Variants in DAZAP1 observed in about 807,000 individuals in gnomAD.
DAZAP1 encodes the protein DAZ associated protein 1.
Under a neutral mutation model 60.1 loss-of-function variants are expected in DAZAP1, and 6 were observed. That is an observed-to-expected ratio of 0.10 (90% CI 0.05 to 0.20). The LOEUF (loss-of-function observed/expected upper bound fraction) is 0.20, where lower values mean the gene tolerates loss of function less well. Ranked by LOEUF, DAZAP1 falls within the 10% of genes least tolerant of loss-of-function variation. DAZAP1 has a pLI of 1.00. For synonymous variants in DAZAP1, 235 were observed against 215.9 expected (o/e 1.09, Z -0.78); for missense variants, 366 against 560.4 (o/e 0.65, Z 3.50).
At chr19:1,414,937 C>T (rs550597674) in intron 1 of DAZAP1, among the ~76,000 whole-genome samples, 159 of 152,050 alleles carry the variant, frequency 1.0e-3, no homozygotes, top group African/African-American at 3.3e-3. Context: ...CCTTCTGCCT[C>T]AGCCTCCCAA....
intron 7 of DAZAP1, chr19:1,427,200 G>A (rs572679489): frequency 8.5e-5 from 13 of 152,394 alleles, no homozygotes; most frequent in African/African-American, 3.1e-4. Context: ...CAAGGAGTCT[G>A]CGCCCAGTGT....
rs1186092337 is a variant in DAZAP1 at position 1,418,692 on chromosome 19, G to A, written c.264G>A (p.Arg88=). 2 of 1,613,944 alleles carry A rather than the reference G, an allele frequency of 1.2e-6. No homozygotes were observed. Among genetic ancestry groups the A allele is most frequent in the Admixed American group, 3.3e-5 (2 of 59,992 alleles). ...TCGACCCCAAGCCATGCACACCCCGGGGGATGCAGCCGGAGAGAACACGGC... is the reference window on the plus strand; with the variant it reads ...TCGACCCCAAGCCATGCACACCCCGAGGGATGCAGCCGGAGAGAACACGGC... ...RNIDPKPCTP[R]GMQPERTRPK... is the part of the protein sequence containing the mutation. The change falls in exon 4 of 12, where the codon CGG becomes CGA. Residue 88 remains arginine, a synonymous_variant. Transcript: ENST00000233078. The surrounding 1 kb of genome is among the most constrained non-coding windows in gnomAD (Gnocchi z 5.7).
chr19:1,410,986 C>G (rs1037720455), intron 1 of DAZAP1, among the ~76,000 whole-genome samples: 1 of 152,212 alleles, frequency 6.6e-6, no homozygotes, highest in South Asian at 2.1e-4. Flanking sequence ...TGGCAGGTCT[C>G]TGGGTTTATT....
At position 1,418,560 on chromosome 19, in the gene DAZAP1, G is replaced by A. The variant is rs1055556932; in HGVS notation, c.238-106G>A. On this transcript the variant is annotated intron_variant, in intron 3 of 11. Transcript: ENST00000233078. This position sits in a 1 kb window ranked among gnomAD's most constrained non-coding sequence, Gnocchi z 5.7. ...ATACAGGGTGAATGGAGCCGGCGGGGCGGGGCGGGCCGGGCTGCTGTGCCG... is the reference window on the plus strand; with the variant it reads ...ATACAGGGTGAATGGAGCCGGCGGGACGGGGCGGGCCGGGCTGCTGTGCCG... 7 of 1,488,448 alleles carry A rather than the reference G, an allele frequency of 4.7e-6. No homozygotes were observed. In the African/African-American group the frequency reaches 9.6e-5, roughly 20 times the overall value. 92.2% of individuals were successfully genotyped at this position (1,488,448 alleles called of 1,614,324 possible). A position where few individuals can be genotyped will look rare whatever the true frequency, so the allele number is the denominator to read the frequency against.
chr19:1,421,648 G>A (rs1006638657), intron 5 of DAZAP1, among the ~76,000 whole-genome samples: 2 of 152,248 alleles, frequency 1.3e-5, no homozygotes, highest in Non-Finnish European at 2.9e-5. Context: ...CCCGAGCTCC[G>A]TTGAGCCCAG....
At chr19:1,415,230 G>A (rs901914663) in intron 1 of DAZAP1, among the ~76,000 whole-genome samples, 4 of 151,994 alleles carry the variant, frequency 2.6e-5, no homozygotes, top group African/African-American at 4.8e-5. Flanking sequence ...AGGTGGGGGT[G>A]GAGGGGGTAC....
At position 1,434,837 on chromosome 19, in the gene DAZAP1, C is replaced by T. The variant is rs763705584; in HGVS notation, c.1149C>T (p.Gly383=). 1.0e-5 allele frequency: 16 copies of T among 1,594,678 alleles called. No homozygotes were observed. The highest frequency in any genetic ancestry group is 1.7e-4 in the Middle Eastern group (1 of 5,950). The part of the protein sequence containing the change: ...YGGPSVPGSG[G]PPAGGSGFGR... ...GTCCCTCCGTGCCAGGGTCGGGGGGCCCCCCCGCCGGCGGCAGCGGCTTTG... is the reference window on the plus strand; with the variant it reads ...GTCCCTCCGTGCCAGGGTCGGGGGGTCCCCCCGCCGGCGGCAGCGGCTTTG... Residue 383 remains glycine (G), a synonymous_variant, in exon 12 of 12, where the codon GGC becomes GGT. Coordinates refer to ENST00000233078, the MANE Select transcript of DAZAP1 (RefSeq NM_018959.4). The surrounding 1 kb of genome is among the most constrained non-coding windows in gnomAD (Gnocchi z 8.0).
Position 1,434,818 on chromosome 19 carries a change from C to A in DAZAP1, c.1130C>A (p.Ser377Tyr). 1 of 1,610,306 alleles carries A rather than the reference C, an allele frequency of 6.2e-7. No homozygotes were observed. The highest frequency in any genetic ancestry group is 8.5e-7 in the Non-Finnish European group (1 of 1,178,460). The change falls in exon 12 of 12, where the codon TCC (serine) becomes TAC (tyrosine). Residue 377 changes from serine to tyrosine, a missense_variant. This residue lies in a region of DAZAP1 where 240 missense variants were observed against 308.8 expected (regional missense o/e 0.78). Coordinates refer to ENST00000233078, the MANE Select transcript of DAZAP1 (RefSeq NM_018959.4). This position sits in a 1 kb window ranked among gnomAD's most constrained non-coding sequence, Gnocchi z 8.0. Reference sequence around the variant, plus strand: ...CAGCCTCCTTCCTACGGGGGTCCCTCCGTGCCAGGGTCGGGGGGCCCCCCC... The same window carrying A: ...CAGCCTCCTTCCTACGGGGGTCCCTACGTGCCAGGGTCGGGGGGCCCCCCC... ...SQQPPSYGGP[S>Y]VPGSGGPPAG...
chr19:1,434,602 GA>G lies in DAZAP1; in HGVS notation c.1049-133del. ...CTCCCCGGCCCAGGTGCTGGCCTCA[GA>G]AGGGCCCCACCCGCACCCCGTGGGA... On this transcript the variant is annotated intron_variant, in intron 11 of 11. Coordinates refer to ENST00000233078, the MANE Select transcript of DAZAP1 (RefSeq NM_018959.4). This position sits in a 1 kb window ranked among gnomAD's most constrained non-coding sequence, Gnocchi z 8.0. The G allele has an allele frequency of 3.5e-6, 3 of 851,196 alleles. No homozygotes were observed. 52.7% of individuals were successfully genotyped at this position (851,196 alleles called of 1,614,324 possible).
chr19:1,418,396 C>G lies in DAZAP1; in HGVS notation c.237+26C>G. ...GTAAGTGCCCTTCCGGGAGCTCACACCCGCTCTCTGTCTCCCCTGTCCTTC... is the reference window on the plus strand; with the variant it reads ...GTAAGTGCCCTTCCGGGAGCTCACAGCCGCTCTCTGTCTCCCCTGTCCTTC... On this transcript the variant is annotated intron_variant, in intron 3 of 11. Coordinates refer to ENST00000233078, the MANE Select transcript of DAZAP1 (RefSeq NM_018959.4). This position sits in a 1 kb window ranked among gnomAD's most constrained non-coding sequence, Gnocchi z 5.7. The G allele has an allele frequency of 6.2e-7, 1 of 1,607,036 alleles. No individual in the cohort carries two copies. The highest frequency in any genetic ancestry group is 8.5e-7 in the Non-Finnish European group (1 of 1,175,012).
chr19:1,432,623 G>T lies in DAZAP1; in HGVS notation c.981G>T (p.Pro327=), dbSNP rs907489244. Residue 327 remains proline, a synonymous_variant, in exon 11 of 12, where the codon CCG becomes CCT. Transcript: ENST00000233078. This position sits in a 1 kb window ranked among gnomAD's most constrained non-coding sequence, Gnocchi z 4.9. ...GAAPLAFPPP[P]SQAAPDMSKP... ...CACCTCTGGCTTTCCCACCGCCTCC[G>T]TCTCAGGCTGCCCCGGACATGAGCA... 1 of 1,613,520 alleles carries T rather than the reference G, an allele frequency of 6.2e-7. No homozygotes were observed. Among genetic ancestry groups the T allele is most frequent in the East Asian group, 2.2e-5 (1 of 44,880 alleles).
intron 5 of DAZAP1, 148 bp downstream of exon 5, chr19:1,421,406 G>A (rs369388893): frequency 1.2e-5 from 8 of 677,162 alleles, no homozygotes; most frequent in Non-Finnish European, 2.0e-5. Context: ...CAACGCCTGC[G>A]CCCTCCGGAA....
chr19:1,410,713 C>T (rs1360132869), intron 1 of DAZAP1, among the ~76,000 whole-genome samples: 2 of 152,178 alleles, frequency 1.3e-5, no homozygotes, highest in African/African-American at 4.8e-5. Flanking sequence ...AGGACAGAGG[C>T]TCAGAGGGGT....
Position 1,433,676 on chromosome 19 carries a change from T to C in DAZAP1, c.1048+986T>C. 1 of 1,376,624 alleles carries C rather than the reference T, an allele frequency of 7.3e-7. No individual in the cohort carries two copies. The highest frequency in any genetic ancestry group is 1.7e-5 in the Admixed American group (1 of 59,212). The allele number at this position is 1,376,624 out of a possible 1,614,324, so 85.3% of individuals were successfully genotyped here. A position where few individuals can be genotyped will look rare whatever the true frequency, so the allele number is the denominator to read the frequency against. ...AGGCGCCCGGTTGGGGCGTGGCGTG[T>C]GTCAGCCGCTGCTCTTGGTGGCGGC... On this transcript the variant is annotated intron_variant, in intron 11 of 11. Coordinates refer to ENST00000233078, the MANE Select transcript of DAZAP1 (RefSeq NM_018959.4). The surrounding 1 kb of genome is among the most constrained non-coding windows in gnomAD (Gnocchi z 6.1).
chr19:1,435,258 TAAAG>T lies in DAZAP1; in HGVS notation c.*350_*353del, dbSNP rs1176824565. On this transcript the variant is annotated 3_prime_UTR_variant, in exon 12 of 12. Coordinates refer to ENST00000233078, the MANE Select transcript of DAZAP1 (RefSeq NM_018959.4). ...TACGGTATATTGTAAACTTTTATGT[TAAAG>T]AAAAAATATACATTTACAAATTGTG... The T allele has an allele frequency of 6.4e-6, 1 of 157,350 alleles. No individual in the cohort carries two copies. Among genetic ancestry groups the T allele is most frequent in the Non-Finnish European group, 1.4e-5 (1 of 71,268 alleles). The allele number at this position is 157,350 out of a possible 1,614,324, so 9.7% of individuals were successfully genotyped here.
intron 4 of DAZAP1, among the ~76,000 whole-genome samples, chr19:1,419,280 C>T (rs771267965): frequency 2.0e-5 from 3 of 152,220 alleles, no homozygotes; most frequent in Non-Finnish European, 4.4e-5. Context: ...GTTCTCACAC[C>T]GGCACCAGGA....
intron 6 of DAZAP1, among the ~76,000 whole-genome samples, chr19:1,424,904 G>A (rs192779298): frequency 2.6e-5 from 4 of 152,260 alleles, no homozygotes; most frequent in Admixed American, 2.0e-4. Context: ...CCACCTAGCC[G>A]GGGAGGCCTG....
In DAZAP1 at chr19:1,432,798, T is replaced by G; in HGVS notation, c.1048+108T>G. On this transcript the variant is annotated intron_variant, in intron 11 of 11. Coordinates refer to ENST00000233078, the MANE Select transcript of DAZAP1 (RefSeq NM_018959.4). This position sits in a 1 kb window ranked among gnomAD's most constrained non-coding sequence, Gnocchi z 4.9. ...TGGACGCTCCCCAGCCTTTACCTGG[T>G]GGGAAAGGGGAGAGGGAGGAGAGGG... 7.6e-7 allele frequency: 1 copy of G among 1,307,240 alleles called. No individual in the cohort carries two copies. Among genetic ancestry groups the G allele is most frequent in the Non-Finnish European group, 1.1e-6 (1 of 952,088 alleles). 81.0% of individuals were successfully genotyped at this position (1,307,240 alleles called of 1,614,324 possible). A position where few individuals can be genotyped will look rare whatever the true frequency, so the allele number is the denominator to read the frequency against.
Position 1,422,756 on chromosome 19 carries a change from C to T in DAZAP1, c.463+360C>T, listed in dbSNP as rs1320693901. On this transcript the variant is annotated intron_variant, in intron 6 of 11. Coordinates refer to ENST00000233078, the MANE Select transcript of DAZAP1 (RefSeq NM_018959.4). This position sits in a 1 kb window ranked among gnomAD's most constrained non-coding sequence, Gnocchi z 4.5. ...CAGTGTGGCCGGTCTCATTTCGTGTCGTCAGCTGGGTCAGCTGGCTCGGTG... is the reference window on the plus strand; with the variant it reads ...CAGTGTGGCCGGTCTCATTTCGTGTTGTCAGCTGGGTCAGCTGGCTCGGTG... Among the ~76,000 whole-genome samples the T allele has an allele frequency of 2.0e-5, 3 of 152,168 alleles. No homozygotes were observed. Among genetic ancestry groups the T allele is most frequent in the Admixed American group, 6.5e-5 (1 of 15,270 alleles).
Sources: gnomAD v4.1 joint callset for allele counts (sites outside exome capture counted in the v4.1 genomes callset) on GRCh38, gnomAD v4.1.1 for gene constraint, gnomAD v4.1.1 regional missense constraint, Gnocchi (gnomAD v3.1) non-coding constraint, MANE v1.5 for transcripts, NCBI Gene and HGNC (gene_info 2026-07-23, HGNC 2026-07-21) for gene names.